GRM8: variants seen among roughly 807,000 people sequenced by gnomAD.
The protein encoded by GRM8 is metabotropic glutamate receptor 8.
A neutral mutation model predicts 87.2 loss-of-function variants in GRM8; 47 were observed. The observed-to-expected ratio is 0.54, with a 90% CI of 0.43 to 0.69. The LOEUF (loss-of-function observed/expected upper bound fraction) is 0.69, where lower values mean the gene tolerates loss of function less well. GRM8 is among the 30% of genes least tolerant of loss of function. The pLI is 0.00. For missense variants in GRM8, 1,019 were observed against 1,139.2 expected (o/e 0.89, Z 1.52); for synonymous variants, 396 against 404.5 (o/e 0.98, Z 0.25).
intron 3 of GRM8, among the ~76,000 whole-genome samples, chr7:126,999,915 A>T (rs1294505834): frequency 1.3e-5 from 2 of 151,918 alleles, no homozygotes; most frequent in African/African-American, 4.8e-5. Flanking sequence ...AAATCAGTAT[A>T]TCAAAGGGAT....
intron 3 of GRM8, among the ~76,000 whole-genome samples, chr7:127,059,952 G>A (rs1820448057): frequency 6.6e-6 from 1 of 152,156 alleles, no homozygotes; most frequent in Non-Finnish European, 1.5e-5. Context: ...TTTAAAACAA[G>A]CACTGGAAAA....
chr7:126,681,198 A>T (rs528560857), intron 7 of GRM8, among the ~76,000 whole-genome samples: 2 of 152,262 alleles, frequency 1.3e-5, no homozygotes, highest in South Asian at 2.1e-4. Flanking sequence ...TTCTTGCCCC[A>T]TATACTGATG....
At chr7:126,692,345 A>G (rs932853256) in intron 7 of GRM8, among the ~76,000 whole-genome samples, 3 of 152,204 alleles carry the variant, frequency 2.0e-5, no homozygotes, top group Admixed American at 1.3e-4. Context: ...CTGACTTGCT[A>G]TAGAATGAGA....
chr7:126,621,704 ACAT>A (rs1192359713), intron 7 of GRM8, among the ~76,000 whole-genome samples: 2 of 151,278 alleles, frequency 1.3e-5, no homozygotes, highest in East Asian at 2.0e-4. Flanking sequence ...CAGGTGTGAG[ACAT>A]CATGCCTGGC....
chr7:127,104,832 A>G (rs1344625827), intron 3 of GRM8, among the ~76,000 whole-genome samples: 1 of 152,232 alleles, frequency 6.6e-6, no homozygotes, highest in Non-Finnish European at 1.5e-5. Context: ...ATAAAAACTA[A>G]GTATTTCTTA....
At chr7:126,698,759 C>A (rs1180829228) in intron 7 of GRM8, among the ~76,000 whole-genome samples, 1 of 152,100 alleles carries the variant, frequency 6.6e-6, no homozygotes, top group South Asian at 2.1e-4. Context: ...GAGTTGCATA[C>A]CTTCGTAACC....
chr7:126,747,470 A>G (rs1815830907), intron 7 of GRM8, among the ~76,000 whole-genome samples: 1 of 152,010 alleles, frequency 6.6e-6, no homozygotes, highest in South Asian at 2.1e-4. Flanking sequence ...TATAATCAAG[A>G]CCAAACAATC....
chr7:126,962,068 A>C (rs1809377276), intron 3 of GRM8, among the ~76,000 whole-genome samples: 1 of 152,216 alleles, frequency 6.6e-6, no homozygotes, highest in Admixed American at 6.5e-5. Flanking sequence ...AATATTGTTC[A>C]TATATACAAT....
intron 3 of GRM8, among the ~76,000 whole-genome samples, chr7:127,083,189 AC>A (rs1586948626): frequency 6.6e-6 from 1 of 152,222 alleles, no homozygotes; most frequent in African/African-American, 2.4e-5. Flanking sequence ...ATATTAGTTC[AC>A]CTCAAAGCAT....
At chr7:126,472,417 AG>A (rs1805382570) in intron 9 of GRM8, among the ~76,000 whole-genome samples, 1 of 152,166 alleles carries the variant, frequency 6.6e-6, no homozygotes, top group Non-Finnish European at 1.5e-5. Context: ...ATTTTGTCAA[AG>A]GCCTTTTCTG....
chr7:127,239,431 C>G (rs1235381622), intron 2 of GRM8, among the ~76,000 whole-genome samples: 1 of 152,154 alleles, frequency 6.6e-6, no homozygotes, highest in African/African-American at 2.4e-5. Context: ...CTGGGAATAA[C>G]TAGCAATACA....
chr7:126,573,654 G>A (rs988943608), intron 8 of GRM8, among the ~76,000 whole-genome samples: 9 of 151,226 alleles, frequency 6.0e-5, no homozygotes, highest in East Asian at 1.9e-4. Context: ...GCATTATCTC[G>A]GCTCATTGCA....
At chr7:126,933,131 A>G (rs921162763) in intron 3 of GRM8, among the ~76,000 whole-genome samples, 5 of 152,188 alleles carry the variant, frequency 3.3e-5, no homozygotes, top group Admixed American at 6.5e-5. Flanking sequence ...TACAAGAATG[A>G]CGCCTTCAGC....
At chr7:126,742,525 C>T (rs767613646) in intron 7 of GRM8, among the ~76,000 whole-genome samples, 3 of 151,956 alleles carry the variant, frequency 2.0e-5, no homozygotes, top group Non-Finnish European at 4.4e-5. Context: ...CAAGGCCAGC[C>T]CGCACAGCCA....
chr7:127,141,099 C>T (rs1433417865), intron 2 of GRM8, among the ~76,000 whole-genome samples: 4 of 152,084 alleles, frequency 2.6e-5, no homozygotes, highest in Admixed American at 1.3e-4. Context: ...CACAATCTGT[C>T]AACCCTTGCT....
chr7:126,686,746 C>T (rs1003583875), intron 7 of GRM8, among the ~76,000 whole-genome samples: 2 of 152,218 alleles, frequency 1.3e-5, no homozygotes, highest in Non-Finnish European at 2.9e-5. Flanking sequence ...GTAGTGTAAG[C>T]CAAGTGCACC....
In GRM8 at chr7:126,841,328, AC is replaced by A. The variant is rs759644294; in HGVS notation, c.1156+61213del. Among the ~76,000 whole-genome samples, 4 of 152,194 alleles carry A rather than the reference AC, an allele frequency of 2.6e-5. No individual in the cohort carries two copies. In the East Asian group the frequency reaches 5.8e-4, roughly 22 times the overall value. On this transcript the variant is annotated intron_variant, in intron 6 of 10. Coordinates refer to ENST00000339582, the MANE Select transcript of GRM8 (RefSeq NM_000845.3). ...CAGAGAGCTCAAGTCAGCTTTACCT[AC>A]ATTTCTGCAGTCTTGGTGGTAATGG...
intron 8 of GRM8, among the ~76,000 whole-genome samples, chr7:126,568,856 C>A (rs1454941149): frequency 1.3e-5 from 2 of 152,024 alleles, no homozygotes; most frequent in South Asian, 2.1e-4. Context: ...AGTTGGAAAT[C>A]ATTTCAAAGG....
chr7:126,722,932 T>TAATTATATATATAATATGTTATATATA, intron 7 of GRM8, among the ~76,000 whole-genome samples: 1 of 98,810 alleles, frequency 1.0e-5, no homozygotes, highest in East Asian at 2.6e-4. Context: ...TTATATATAA[T>TAATTATATATATAATATGTTATATATA]ATATATGTTA....
Sources: gnomAD v4.1 joint callset for allele counts (sites outside exome capture counted in the v4.1 genomes callset) on GRCh38, gnomAD v4.1.1 for gene constraint, MANE v1.5 for transcripts, NCBI Gene and HGNC (gene_info 2026-07-23, HGNC 2026-07-21) for gene names.